Variants in ARHGEF7 observed in about 807,000 individuals in gnomAD.
ARHGEF7 encodes PAK-interacting exchange factor beta.
A neutral mutation model predicts 109.8 loss-of-function variants in ARHGEF7; 33 were observed. The observed-to-expected ratio is 0.30, with a 90% confidence interval of 0.23 to 0.40. ARHGEF7 has a LOEUF of 0.40. Among genes scored for constraint, ARHGEF7 ranks in the 10% least tolerant of loss-of-function variants. ARHGEF7 has a pLI of 1.00. For synonymous variants in ARHGEF7, 458 were observed against 424.6 expected, an observed-to-expected ratio of 1.08 and a Z score of -0.97; for missense variants, 938 against 1,098.5, an observed-to-expected ratio of 0.85 and a Z score of 2.07.
At chr13:111,259,547 T>C (rs2090858191) in intron 8 of ARHGEF7, among the ~76,000 whole-genome samples, 1 of 152,254 alleles carries the variant, frequency 6.6e-6, no homozygotes, top group African/African-American at 2.4e-5. Flanking sequence ...TTACTGCGTG[T>C]GGGGTGCCCC....
chr13:111,227,623 G>C (rs1048805547), intron 5 of ARHGEF7, among the ~76,000 whole-genome samples: 1 of 152,198 alleles, frequency 6.6e-6, no homozygotes, highest in Admixed American at 6.5e-5. Flanking sequence ...GTGACTCACT[G>C]TATTGCCATG....
chr13:111,283,085 G>A (rs931078471), intron 15 of ARHGEF7, 54 bp from the exon 16 acceptor site: 7 of 1,541,040 alleles, frequency 4.5e-6, no homozygotes, highest in South Asian at 2.4e-5. Context: ...GCCCTTTCGC[G>A]GTGAGCACGC....
intron 19 of ARHGEF7, chr13:111,293,855 C>G: frequency 1.0e-6 from 1 of 985,390 alleles, no homozygotes. Flanking sequence ...CAGTATCAGT[C>G]TTGTCCTGGG....
chr13:111,267,986 C>T (rs1351615977), intron 9 of ARHGEF7, among the ~76,000 whole-genome samples: 1 of 152,188 alleles, frequency 6.6e-6, no homozygotes, highest in Non-Finnish European at 1.5e-5. Flanking sequence ...TATTTCAGTT[C>T]TTAAAACTGG....
At chr13:111,300,567 G>T (rs1020192872) in intron 19 of ARHGEF7, among the ~76,000 whole-genome samples, 181 bp from the exon 20 acceptor site, 4 of 152,160 alleles carry the variant, frequency 2.6e-5, no homozygotes, top group Non-Finnish European at 2.9e-5. Context: ...GCCTGGGCTC[G>T]GTAGACAGAG....
intron 6 of ARHGEF7, among the ~76,000 whole-genome samples, chr13:111,240,945 G>A (rs2087664457): frequency 6.6e-6 from 1 of 152,200 alleles, no homozygotes; most frequent in South Asian, 2.1e-4. Context: ...ATTGGCAGTG[G>A]AAGTTGTAAC....
rs1032498431 is a variant in ARHGEF7 at position 111,273,791 on chromosome 13, C to G, written c.1074-23C>G. 1.2e-5 allele frequency: 19 copies of G among 1,613,302 alleles called. No individual in the cohort carries two copies. Among genetic ancestry groups the G allele is most frequent in the Non-Finnish European group, 1.5e-5 (18 of 1,179,390 alleles). On this transcript the variant is annotated intron_variant, in intron 9 of 21. Coordinates refer to ENST00000646102, the MANE Select transcript of ARHGEF7 (RefSeq NM_001354046.2). This position sits in a 1 kb window ranked among gnomAD's most constrained non-coding sequence, Gnocchi z 4.5. Reference sequence around the variant, plus strand: ...GTCTCTCATTGCTAACCACGAGTGTCTCTCTTGCCACTTGCTGCCCAGTGA... The same window carrying G: ...GTCTCTCATTGCTAACCACGAGTGTGTCTCTTGCCACTTGCTGCCCAGTGA...
chr13:111,122,243 G>A (rs779101102), intron 1 of ARHGEF7, among the ~76,000 whole-genome samples: 89 of 152,162 alleles, frequency 5.8e-4, no homozygotes, highest in Non-Finnish European at 4.0e-4. Flanking sequence ...AGGGCTGAGC[G>A]GGTGGACTCA....
Position 111,244,283 on chromosome 13 carries a change from A to G in ARHGEF7, c.939A>G (p.Glu313=), listed in dbSNP as rs764473169. The G allele has an allele frequency of 1.9e-6, 3 of 1,592,748 alleles. No individual in the cohort carries two copies. Among genetic ancestry groups the G allele is most frequent in the South Asian group, 2.3e-5 (2 of 87,052 alleles). ...AGCAAATGCTCGTACAGTCTTTAGAAGAATGCACCAAGTAAGTAAGATGCT... is the reference window on the plus strand; with the variant it reads ...AGCAAATGCTCGTACAGTCTTTAGAGGAATGCACCAAGTAAGTAAGATGCT... ...SFQQMLVQSL[E]ECTKLPEAQQ... Residue 313 remains glutamate, a synonymous_variant, in exon 8 of 22, where the codon GAA becomes GAG. Coordinates refer to ENST00000646102, the MANE Select transcript of ARHGEF7 (RefSeq NM_001354046.2).
At chr13:111,299,949 A>G (rs1309684658) in intron 19 of ARHGEF7, among the ~76,000 whole-genome samples, 1 of 152,238 alleles carries the variant, frequency 6.6e-6, no homozygotes, top group Non-Finnish European at 1.5e-5. Context: ...TTTCAAAAAT[A>G]TAAATGGTAC....
intron 2 of ARHGEF7, among the ~76,000 whole-genome samples, chr13:111,166,882 T>C (rs986817280): frequency 1.1e-4 from 17 of 152,164 alleles, no homozygotes; most frequent in African/African-American, 3.4e-4. Context: ...TTAGTCTGTA[T>C]CATGTGGAAG....
intron 19 of ARHGEF7, chr13:111,293,100 G>T: frequency 1.0e-6 from 1 of 985,434 alleles, no homozygotes. Context: ...CACATAGCAA[G>T]CCTGTACCAC....
intron 9 of ARHGEF7, 58 bp downstream of exon 9, chr13:111,267,728 T>C (rs531921620): frequency 1.1e-5 from 17 of 1,596,394 alleles, no homozygotes; most frequent in Middle Eastern, 1.7e-4. Flanking sequence ...GTCCTTCAAA[T>C]AGTGCATGAA....
In ARHGEF7 at chr13:111,266,547, CCT is replaced by C. The variant is rs1406340520; in HGVS notation, c.951-1000_951-999del. ...TTTTTCTCCTTTGCTCCTTCATTCC[CCT>C]TTTTTTAGGCAAATGTATTTGTCCT... On this transcript the variant is annotated intron_variant, in intron 8 of 21. Coordinates refer to ENST00000646102, the MANE Select transcript of ARHGEF7 (RefSeq NM_001354046.2). This position sits in a 1 kb window ranked among gnomAD's most constrained non-coding sequence, Gnocchi z 4.8. 2.0e-5 allele frequency among the ~76,000 whole-genome samples: 3 copies of C among 152,036 alleles called. No homozygotes were observed. The highest frequency in any genetic ancestry group is 4.4e-5 in the Non-Finnish European group (3 of 68,014).
chr13:111,292,619 G>T, intron 19 of ARHGEF7: 2 of 1,201,170 alleles, frequency 1.7e-6, no homozygotes, highest in Non-Finnish European at 2.1e-6. Context: ...TTTATTCTCA[G>T]TGTAGCAACT....
chr13:111,294,793 G>T (rs1467317412), intron 19 of ARHGEF7: 1 of 985,696 alleles, frequency 1.0e-6, no homozygotes, highest in African/African-American at 1.7e-5. Context: ...GTATTCTAAT[G>T]AAAGGATGAA....
At chr13:111,189,726 T>G (rs2079652409) in intron 2 of ARHGEF7, among the ~76,000 whole-genome samples, 1 of 152,176 alleles carries the variant, frequency 6.6e-6, no homozygotes, top group South Asian at 2.1e-4. Flanking sequence ...GAGTGCCGAT[T>G]GGTGCGTTTT....
chr13:111,286,015 G>T (rs2093003329), intron 16 of ARHGEF7, 132 bp from the exon 17 acceptor site: 1 of 641,690 alleles, frequency 1.6e-6, no homozygotes, highest in Non-Finnish European at 2.7e-6. Flanking sequence ...AATCAAAGTA[G>T]GAAAAGGCGA....
intron 4 of ARHGEF7, among the ~76,000 whole-genome samples, chr13:111,216,963 C>T (rs974711015): frequency 1.3e-5 from 2 of 152,164 alleles, no homozygotes; most frequent in Non-Finnish European, 2.9e-5. Context: ...AATTAAAATA[C>T]GAGGTACTGT....
Sources: allele counts gnomAD v4.1 joint callset (sites outside exome capture counted in the v4.1 genomes callset), GRCh38; gene constraint gnomAD v4.1.1; non-coding constraint Gnocchi (gnomAD v3.1); transcripts MANE v1.5; gene names NCBI Gene and HGNC (gene_info 2026-07-23, HGNC 2026-07-21).